Variants in PTPRF observed in about 807,000 individuals in gnomAD.
The protein encoded by PTPRF is protein tyrosine phosphatase receptor type F, also known as receptor-type tyrosine-protein phosphatase F.
PTPRF carries 59 observed loss-of-function variants against 201.8 expected under a neutral mutation model. The ratio of observed to expected loss-of-function variants is 0.29; its 90% CI spans 0.24 to 0.36. The LOEUF (loss-of-function observed/expected upper bound fraction) is 0.36. Among genes scored for constraint, PTPRF ranks in the 10% least tolerant of loss-of-function variants. The probability of loss-of-function intolerance (pLI) is 1.00; values close to 1 mark genes in which losing one functional copy is unlikely to be tolerated. For missense variants in PTPRF, 2,132 were observed against 2,690.5 expected (o/e 0.79, Z 4.59); for synonymous variants, 1,088 against 1,089.7 (o/e 1.00, Z 0.03).
intron 6 of PTPRF, among the ~76,000 whole-genome samples, chr1:43,575,371 G>T (rs1570180494): frequency 6.6e-6 from 1 of 152,156 alleles, no homozygotes; most frequent in Admixed American, 6.5e-5. Flanking sequence ...TGGGCTGTGA[G>T]TTTGCTGAGT....
intron 1 of PTPRF, among the ~76,000 whole-genome samples, 171 bp downstream of exon 1, chr1:43,531,261 GC>G (rs1442279088): frequency 1.1e-4 from 16 of 143,730 alleles, no homozygotes; most frequent in Non-Finnish European, 1.5e-4. Context: ...CCTCGGCGAA[GC>G]CCCCCCTCCA....
At chr1:43,593,094 C>T (rs1250999393) in intron 11 of PTPRF, among the ~76,000 whole-genome samples, 3 of 152,228 alleles carry the variant, frequency 2.0e-5, no homozygotes, top group South Asian at 2.1e-4. Flanking sequence ...TGACTGCACT[C>T]GGGGACAGGT....
intron 22 of PTPRF, among the ~76,000 whole-genome samples, chr1:43,612,541 G>A (rs1570653774): frequency 6.6e-6 from 1 of 152,256 alleles, no homozygotes; most frequent in Middle Eastern, 3.4e-3. Context: ...GCTCGCCTCT[G>A]GGGGTGGGAC....
chr1:43,577,103 C>A (rs1382247724), intron 6 of PTPRF, among the ~76,000 whole-genome samples: 1 of 152,166 alleles, frequency 6.6e-6, no homozygotes, highest in East Asian at 1.9e-4. Context: ...AGAGGAACCT[C>A]CTATTTTCTG....
chr1:43,592,731 C>T, intron 11 of PTPRF, 130 bp downstream of exon 11: 1 of 1,171,120 alleles, frequency 8.5e-7, no homozygotes, highest in South Asian at 1.9e-5. Context: ...GAACTCTGGC[C>T]TGGGCTCTGA....
chr1:43,603,151 C>T lies in PTPRF; in HGVS notation c.2341-265C>T, dbSNP rs1237195131. ...AGCACAGTGGAGTGAGGGAAACAGTCTGGCCCTTTGTTCTTGTCTGAAAAG... is the reference window on the plus strand; with the variant it reads ...AGCACAGTGGAGTGAGGGAAACAGTTTGGCCCTTTGTTCTTGTCTGAAAAG... On this transcript the variant is annotated intron_variant, in intron 14 of 33. Coordinates refer to ENST00000359947, the MANE Select transcript of PTPRF (RefSeq NM_002840.5). This position sits in a 1 kb window ranked among gnomAD's most constrained non-coding sequence, Gnocchi z 5.8. 1.3e-5 allele frequency among the ~76,000 whole-genome samples: 2 copies of T among 152,168 alleles called. No individual in the cohort carries two copies. Among genetic ancestry groups the T allele is most frequent in the Admixed American group, 6.5e-5 (1 of 15,280 alleles).
At chr1:43,620,784 G>A in intron 31 of PTPRF, 54 bp from the exon 32 acceptor site, 1 of 1,579,046 alleles carries the variant, frequency 6.3e-7, no homozygotes, top group Non-Finnish European at 8.6e-7. Context: ...TAGTCCAGAG[G>A]GGTGGCTGCC....
chr1:43,583,753 G>A (rs1648370848), intron 7 of PTPRF, among the ~76,000 whole-genome samples: 1 of 152,098 alleles, frequency 6.6e-6, no homozygotes, highest in Non-Finnish European at 1.5e-5. Flanking sequence ...GCACCCTGAG[G>A]AAGTCTCCCA....
At chr1:43,529,442 G>A (rs1327386720), upstream of PTPRF, among the ~76,000 whole-genome samples, 13 of 152,182 alleles carry the variant, frequency 8.5e-5, no homozygotes, top group Admixed American at 6.5e-4. Flanking sequence ...CGTGATCCCT[G>A]AATCCAGGCA....
chr1:43,522,472 C>T (rs1035834065), upstream of PTPRF, among the ~76,000 whole-genome samples: 1 of 152,168 alleles, frequency 6.6e-6, no homozygotes, highest in African/African-American at 2.4e-5. Flanking sequence ...GGGTGCCAGA[C>T]ATTACTCTAG....
Position 43,605,185 on chromosome 1 carries a change from C to T in PTPRF, c.3136-5C>T. Reference sequence around the variant, plus strand: ...GGCATTGATTGCCCCTCCCGTCCCCCACAGATTCTGTACAATGGGCAGAGT... The same window carrying T: ...GGCATTGATTGCCCCTCCCGTCCCCTACAGATTCTGTACAATGGGCAGAGT... On this transcript the variant is annotated splice_polypyrimidine_tract_variant and splice_region_variant and intron_variant, in intron 17 of 33. Transcript: ENST00000359947. The T allele has an allele frequency of 6.3e-7, 1 of 1,592,798 alleles. No homozygotes were observed. The highest frequency in any genetic ancestry group is 8.6e-7 in the Non-Finnish European group (1 of 1,164,544).
In PTPRF at chr1:43,538,222, G is replaced by A. The variant is rs1036748591; in HGVS notation, c.-101G>A. ...GGAAGGAGTGGAGGCCCTGGTGCCC[G>A]GCCCTTGGTGCTGAGTATCCAGCAA... On this transcript the variant is annotated 5_prime_UTR_variant, in exon 2 of 34. Coordinates refer to ENST00000359947, the MANE Select transcript of PTPRF (RefSeq NM_002840.5). The A allele has an allele frequency of 1.3e-5, 5 of 398,504 alleles. No homozygotes were observed. The highest frequency in any genetic ancestry group is 1.2e-3 in the Middle Eastern group (2 of 1,610). The allele number at this position is 398,504 out of a possible 1,614,324, so 24.7% of individuals were successfully genotyped here. A position where few individuals can be genotyped will look rare whatever the true frequency, so the allele number is the denominator to read the frequency against.
intron 22 of PTPRF, chr1:43,612,651 C>A: frequency 2.1e-6 from 2 of 953,842 alleles, no homozygotes; most frequent in Non-Finnish European, 1.5e-6. Flanking sequence ...CAGCCCCTCG[C>A]AAGCCCGCTC....
intron 1 of PTPRF, among the ~76,000 whole-genome samples, chr1:43,535,497 G>A (rs1413497509): frequency 2.0e-5 from 3 of 152,146 alleles, no homozygotes; most frequent in African/African-American, 7.2e-5. Flanking sequence ...TAGCTCCTTA[G>A]CAGTATTTTA....
chr1:43,556,184 G>T (rs1042716279), intron 5 of PTPRF, among the ~76,000 whole-genome samples: 1 of 152,144 alleles, frequency 6.6e-6, no homozygotes, highest in Non-Finnish European at 1.5e-5. Flanking sequence ...CCATTTTTAC[G>T]CTGTGGCTTT....
intron 11 of PTPRF, among the ~76,000 whole-genome samples, chr1:43,593,022 C>G (rs774809452): frequency 1.2e-4 from 19 of 152,202 alleles, no homozygotes; most frequent in Non-Finnish European, 2.4e-4. Flanking sequence ...TCCCCATCAC[C>G]CACATTCCCT....
intron 5 of PTPRF, among the ~76,000 whole-genome samples, chr1:43,568,616 G>A (rs908398524): frequency 5.9e-5 from 9 of 152,202 alleles, no homozygotes; most frequent in East Asian, 1.9e-4. Flanking sequence ...CGTGGTGAAC[G>A]TGGGAGTCCC....
chr1:43,606,517 A>T (rs1049496135), intron 20 of PTPRF, 59 bp downstream of exon 20: 1 of 1,489,142 alleles, frequency 6.7e-7, no homozygotes. Flanking sequence ...GCCTGAGACG[A>T]TGCCAGTCTC....
rs761857102 is a variant in PTPRF at position 43,598,002 on chromosome 1, G to A, written c.2068G>A (p.Val690Met). 9.2e-6 allele frequency: 14 copies of A among 1,529,556 alleles called. No individual in the cohort carries two copies. Among genetic ancestry groups the A allele is most frequent in the South Asian group, 1.2e-5 (1 of 81,366 alleles). The allele number at this position is 1,529,556 out of a possible 1,614,324, so 94.7% of individuals were successfully genotyped here. Residue 690 changes from valine (V) to methionine (M), a missense_variant, in exon 12 of 34, where the codon GTG becomes ATG. By Grantham distance (21) the Val-to-Met change is conservative. Coordinates refer to ENST00000359947, the MANE Select transcript of PTPRF (RefSeq NM_002840.5). ...GGTGTGGGTGCGGGCACACACAGAC[G>A]TGGGCCCCGGCCCCGAGAGCAGCCC... ...YRVWVRAHTD[V>M]GPGPESSPVL...
Sources: allele counts gnomAD v4.1 joint callset (sites outside exome capture counted in the v4.1 genomes callset), GRCh38; gene constraint gnomAD v4.1.1; non-coding constraint Gnocchi (gnomAD v3.1); transcripts MANE v1.5; gene names NCBI Gene and HGNC (gene_info 2026-07-23, HGNC 2026-07-21).